PAX5: variants seen among roughly 807,000 people sequenced by gnomAD.
PAX5 encodes paired box protein Pax-5.
Under a neutral mutation model 43.7 loss-of-function variants are expected in PAX5, and 9 were observed. The observed-to-expected ratio is 0.21, with a 90% CI of 0.12 to 0.36. The LOEUF is 0.36. Among genes scored for constraint, PAX5 ranks in the 10% least tolerant of loss-of-function variants. The probability of loss-of-function intolerance (pLI) is 1.00; values close to 1 mark genes in which losing one functional copy is unlikely to be tolerated. For missense variants in PAX5, 383 were observed against 532.7 expected (o/e 0.72, Z 2.77); for synonymous variants, 228 against 214.3 (o/e 1.06, Z -0.56).
intron 6 of PAX5, 148 bp from the exon 7 acceptor site, chr9:36,923,632 T>TCATGA: frequency 6.1e-6 from 5 of 821,086 alleles, no homozygotes; most frequent in South Asian, 1.9e-5. Flanking sequence ...CTTCCAGTGT[T>TCATGA]GAAAGGGCAG....
chr9:37,018,721 C>T (rs1839604168), intron 2 of PAX5, among the ~76,000 whole-genome samples: 1 of 152,142 alleles, frequency 6.6e-6, no homozygotes, highest in Non-Finnish European at 1.5e-5. Context: ...AAATAATGAG[C>T]TATGAAATTC....
At chr9:37,017,313 G>C (rs935531261) in intron 2 of PAX5, among the ~76,000 whole-genome samples, 5 of 152,320 alleles carry the variant, frequency 3.3e-5, no homozygotes, top group African/African-American at 7.2e-5. Flanking sequence ...GGAAGACTAA[G>C]TGACTTGCCC....
chr9:36,889,951 G>T (rs1053735929), intron 7 of PAX5, among the ~76,000 whole-genome samples: 3 of 139,336 alleles, frequency 2.2e-5, no homozygotes, highest in Admixed American at 7.2e-5. Context: ...CGGGGGGGGG[G>T]GGAATGTGAA....
At chr9:36,982,188 C>A (rs1835995260) in intron 5 of PAX5, among the ~76,000 whole-genome samples, 1 of 152,162 alleles carries the variant, frequency 6.6e-6, no homozygotes, top group African/African-American at 2.4e-5. Flanking sequence ...CGCTTGAACC[C>A]AGGAAGCAGA....
At chr9:36,895,280 G>A (rs919879579) in intron 7 of PAX5, among the ~76,000 whole-genome samples, 1 of 152,220 alleles carries the variant, frequency 6.6e-6, no homozygotes, top group Non-Finnish European at 1.5e-5. Flanking sequence ...TGCATGCGAG[G>A]TACATGAAGA....
chr9:36,919,955 T>C (rs1160924631), intron 7 of PAX5, among the ~76,000 whole-genome samples: 1 of 151,888 alleles, frequency 6.6e-6, no homozygotes, highest in African/African-American at 2.4e-5. Flanking sequence ...TGGATGACTT[T>C]GAGGGCTGAA....
chr9:37,032,457 A>G (rs571785109), intron 1 of PAX5, among the ~76,000 whole-genome samples: 1 of 152,166 alleles, frequency 6.6e-6, no homozygotes, highest in Admixed American at 6.5e-5. Context: ...AGAATTGAGG[A>G]TGGAGAAGAG....
chr9:37,027,647 C>A (rs1225084924), intron 1 of PAX5, among the ~76,000 whole-genome samples: 1 of 152,186 alleles, frequency 6.6e-6, no homozygotes, highest in Non-Finnish European at 1.5e-5. Flanking sequence ...CTGCTCGGCG[C>A]GCACAGTGCG....
intron 5 of PAX5, among the ~76,000 whole-genome samples, chr9:36,989,166 G>T (rs1836719016): frequency 6.6e-6 from 1 of 152,214 alleles, no homozygotes; most frequent in Non-Finnish European, 1.5e-5. Context: ...CTGAGCCAAG[G>T]TCCCCCTGAG....
At chr9:36,902,431 C>T (rs993593685) in intron 7 of PAX5, among the ~76,000 whole-genome samples, 7 of 152,244 alleles carry the variant, frequency 4.6e-5, no homozygotes, top group East Asian at 3.9e-4. Context: ...GAAGAAAACA[C>T]GAAGGAAGAT....
chr9:36,936,925 C>G (rs1831609394), intron 6 of PAX5, among the ~76,000 whole-genome samples: 1 of 152,282 alleles, frequency 6.6e-6, no homozygotes, highest in South Asian at 2.1e-4. Context: ...TCAGAAGGAA[C>G]TTCCTAACAC....
chr9:37,026,475 G>A (rs1258023366), intron 1 of PAX5: 2 of 1,288,716 alleles, frequency 1.6e-6, no homozygotes, highest in Admixed American at 2.3e-5. Context: ...CCACGGTCCG[G>A]CACCCCCAAC....
intron 7 of PAX5, among the ~76,000 whole-genome samples, chr9:36,890,017 C>T (rs888099562): frequency 2.0e-5 from 3 of 151,640 alleles, no homozygotes; most frequent in African/African-American, 7.3e-5. Context: ...GCTACCAGCT[C>T]GGTTCTCATC....
chr9:37,033,907 C>G (rs1841263396), intron 1 of PAX5, 79 bp downstream of exon 1: 2 of 1,365,768 alleles, frequency 1.5e-6, no homozygotes, highest in African/African-American at 2.9e-5. Flanking sequence ...CCCTCCTCCT[C>G]CAGGGTCACC....
Position 37,002,794 on chromosome 9 carries a change from G to T in PAX5, c.476-18C>A. On this transcript the variant is annotated intron_variant, in intron 4 of 9. Coordinates refer to ENST00000358127, the MANE Select transcript of PAX5 (RefSeq NM_016734.3). ...AGTGGACACTGCGCGGAGAAAGACG[G>T]GCGGTCAGGGCCGCAGAGGGCTGAG... 1 of 1,601,658 alleles carries T rather than the reference G, an allele frequency of 6.2e-7. No individual in the cohort carries two copies.
At chr9:36,976,142 T>C (rs1835408880) in intron 5 of PAX5, among the ~76,000 whole-genome samples, 1 of 152,184 alleles carries the variant, frequency 6.6e-6, no homozygotes, top group Non-Finnish European at 1.5e-5. Flanking sequence ...AGGCTGTTCA[T>C]AGAATTTTGA....
chr9:36,862,938 G>T (rs772057712), intron 8 of PAX5, among the ~76,000 whole-genome samples: 1 of 152,190 alleles, frequency 6.6e-6, no homozygotes, highest in Non-Finnish European at 1.5e-5. Flanking sequence ...GGGCAGGCAC[G>T]CAGGGAAGGG....
intron 6 of PAX5, among the ~76,000 whole-genome samples, chr9:36,934,063 G>A (rs1044517013): frequency 6.6e-6 from 1 of 152,210 alleles, no homozygotes; most frequent in African/African-American, 2.4e-5. Context: ...TCAGGTCCCC[G>A]AATCCAGAGG....
At chr9:36,966,313 C>G (rs1344454620) in intron 6 of PAX5, among the ~76,000 whole-genome samples, 1 of 152,246 alleles carries the variant, frequency 6.6e-6, no homozygotes, top group African/African-American at 2.4e-5. Context: ...CACCCACCCC[C>G]TGGCTGGCCA....
Sources: allele counts gnomAD v4.1 joint callset (sites outside exome capture counted in the v4.1 genomes callset), GRCh38; gene constraint gnomAD v4.1.1; transcripts MANE v1.5; gene names NCBI Gene and HGNC (gene_info 2026-07-23, HGNC 2026-07-21).